The following TJP1 variants were observed in gnomAD, a reference collection of about 807,000 sequenced individuals.
TJP1 encodes the protein tight junction protein ZO-1.
TJP1 carries 43 observed loss-of-function variants against 194.2 expected under a neutral mutation model. The ratio of observed to expected loss-of-function variants is 0.22; its 90% confidence interval spans 0.17 to 0.29. The LOEUF is 0.29. TJP1 is among the 10% of genes least tolerant of loss of function. The pLI is 1.00. For synonymous variants in TJP1, 801 were observed against 779.0 expected, an observed-to-expected ratio of 1.03 and a Z score of -0.47; for missense variants, 1,971 against 2,185.7, an observed-to-expected ratio of 0.90 and a Z score of 1.96.
Position 29,716,731 on chromosome 15 carries a change from T to C in TJP1, c.4082A>G (p.Tyr1361Cys). Residue 1361 changes from tyrosine (Y) to cysteine (C), a missense_variant, in exon 23 of 28, where the codon TAC (tyrosine) becomes TGC (cysteine). This residue lies in a region of TJP1 where 1,108 missense variants were observed against 1,128.5 expected (regional missense o/e 0.98). Coordinates refer to ENST00000614355, the MANE Select transcript of TJP1 (RefSeq NM_001330239.4). Reference sequence around the variant, plus strand: ...ATTCTCAAAACTTCTTCGGTCAAAGTATGACAGCTGTTTTCGATAATATTC... The same window carrying C: ...ATTCTCAAAACTTCTTCGGTCAAAGCATGACAGCTGTTTTCGATAATATTC... The part of the protein sequence containing the change: ...DEEYYRKQLS[Y>C]FDRRSFENKP... 1 of 1,614,178 alleles carries C rather than the reference T, an allele frequency of 6.2e-7. No individual in the cohort carries two copies. The highest frequency in any genetic ancestry group is 1.6e-4 in the Middle Eastern group (1 of 6,062).
chr15:29,729,300 A>C (rs557560416), intron 15 of TJP1: 1 of 152,236 alleles, frequency 6.6e-6, no homozygotes, highest in South Asian at 2.1e-4. Context: ...ACCTTGTCTC[A>C]AACAAAAGAA....
chr15:29,775,660 C>G (rs2046971441), intron 2 of TJP1, among the ~76,000 whole-genome samples: 1 of 151,932 alleles, frequency 6.6e-6, no homozygotes. Flanking sequence ...AATTCAAAGA[C>G]AATATCCAAA....
chr15:29,866,750 T>C (rs1482091060), intron 2 of TJP1, among the ~76,000 whole-genome samples: 1 of 152,208 alleles, frequency 6.6e-6, no homozygotes, highest in African/African-American at 2.4e-5. Context: ...AACAACAAAT[T>C]AACTGAAGGG....
chr15:29,796,640 T>C (rs983218852), intron 2 of TJP1, among the ~76,000 whole-genome samples: 2 of 152,322 alleles, frequency 1.3e-5, no homozygotes, highest in Admixed American at 6.5e-5. Flanking sequence ...AGCAGTTTTA[T>C]TTTCTTTGAG....
Position 29,701,577 on chromosome 15 carries a change from G to T in TJP1, c.*18C>A. On this transcript the variant is annotated 3_prime_UTR_variant, in exon 28 of 28. Coordinates refer to ENST00000614355, the MANE Select transcript of TJP1 (RefSeq NM_001330239.4). ...TTTAATCCAGTTTCACATTATTTAA[G>T]TTCCTATATTTCAAGAGTTAAAAGT... The T allele has an allele frequency of 6.3e-7, 1 of 1,583,278 alleles. No homozygotes were observed. Among genetic ancestry groups the T allele is most frequent in the Non-Finnish European group, 8.7e-7 (1 of 1,152,424 alleles).
intron 2 of TJP1, among the ~76,000 whole-genome samples, chr15:29,905,645 T>C (rs2053782958): frequency 6.6e-6 from 1 of 152,240 alleles, no homozygotes; most frequent in Non-Finnish European, 1.5e-5. Context: ...AAACAAACTG[T>C]GGTACATTTA....
intron 1 of TJP1, among the ~76,000 whole-genome samples, chr15:29,801,608 C>G (rs952490609): frequency 2.7e-5 from 4 of 150,842 alleles, no homozygotes; most frequent in Non-Finnish European, 4.4e-5. Context: ...ACTACAGGCG[C>G]CCGCCACTAC....
chr15:29,851,915 C>T (rs1280728572), intron 2 of TJP1, among the ~76,000 whole-genome samples: 1 of 152,120 alleles, frequency 6.6e-6, no homozygotes, highest in African/African-American at 2.4e-5. Context: ...GCTACAGCAC[C>T]TGGACAATCA....
At chr15:29,821,248 T>C (rs566917724) in intron 1 of TJP1, among the ~76,000 whole-genome samples, 24 of 152,246 alleles carry the variant, frequency 1.6e-4, no homozygotes, top group South Asian at 8.3e-4. Flanking sequence ...TCAGAGCACA[T>C]AGGAAAAGTA....
chr15:29,800,503 T>C (rs544350628), intron 2 of TJP1, 143 bp downstream of exon 2: 26 of 717,310 alleles, frequency 3.6e-5, no homozygotes, highest in East Asian at 5.6e-5. Flanking sequence ...TAAAAAATTA[T>C]TGTAACTCTA....
At chr15:29,803,937 C>T (rs1176945421) in intron 1 of TJP1, among the ~76,000 whole-genome samples, 1 of 151,498 alleles carries the variant, frequency 6.6e-6, no homozygotes, top group Non-Finnish European at 1.5e-5. Context: ...GAGAATGAAA[C>T]ATCAAAAGAA....
At chr15:29,722,801 C>CAGAGCTGTCCA (rs1250645433) in intron 18 of TJP1, among the ~76,000 whole-genome samples, 3 of 152,210 alleles carry the variant, frequency 2.0e-5, no homozygotes, top group African/African-American at 7.2e-5. Flanking sequence ...GCTACAGGGG[C>CAGAGCTGTCCA]AGAGCTGTCC....
At chr15:29,862,760 G>A (rs1246019858) in intron 2 of TJP1, among the ~76,000 whole-genome samples, 1 of 149,546 alleles carries the variant, frequency 6.7e-6, no homozygotes, top group Non-Finnish European at 1.5e-5. Context: ...CCATTCTCCT[G>A]CCTCAGCCTC....
intron 2 of TJP1, among the ~76,000 whole-genome samples, chr15:29,798,826 A>G (rs2048586720): frequency 6.6e-6 from 1 of 152,228 alleles, no homozygotes; most frequent in African/African-American, 2.4e-5. Flanking sequence ...CTACTATGCA[A>G]TAAGAGAAAC....
At chr15:29,910,269 T>G (rs994929875) in intron 2 of TJP1, among the ~76,000 whole-genome samples, 1 of 152,246 alleles carries the variant, frequency 6.6e-6, no homozygotes, top group African/African-American at 2.4e-5. Flanking sequence ...CTATGTACAC[T>G]CACTTTCTCC....
intron 8 of TJP1, among the ~76,000 whole-genome samples, chr15:29,760,526 C>A (rs2045934181): frequency 6.6e-6 from 1 of 152,040 alleles, no homozygotes; most frequent in Non-Finnish European, 1.5e-5. Flanking sequence ...CAAGCATGTG[C>A]CAACACTACC....
Position 29,718,788 on chromosome 15 carries a change from C to T in TJP1, c.3354G>A (p.Gln1118=). ...CTCGTTCTGAGGACTCTTCGGGATG[C>T]TGTCTGGAGTCAAGGTCTTGAGAGT... is the stretch of plus-strand genomic sequence containing the variant. ...NQHSQDLDSR[Q]HPEESSERGY... The change falls in exon 21 of 28, where the codon CAG becomes CAA. Residue 1118 remains glutamine (Q), a synonymous_variant. Coordinates refer to ENST00000614355, the MANE Select transcript of TJP1 (RefSeq NM_001330239.4). The T allele has an allele frequency of 6.2e-7, 1 of 1,614,162 alleles. No individual in the cohort carries two copies. The highest frequency in any genetic ancestry group is 8.5e-7 in the Non-Finnish European group (1 of 1,180,038).
chr15:29,967,940 C>A (rs934360057), intron 1 of TJP1, among the ~76,000 whole-genome samples: 7 of 152,264 alleles, frequency 4.6e-5, no homozygotes, highest in African/African-American at 1.7e-4. Flanking sequence ...GAATCTTAAT[C>A]CTAAATCTCA....
chr15:29,886,901 C>G (rs1164578354), intron 2 of TJP1, among the ~76,000 whole-genome samples: 2 of 151,584 alleles, frequency 1.3e-5, no homozygotes, highest in African/African-American at 4.9e-5. Context: ...ATAAATTTTC[C>G]AAAGTTCATC....
Sources: gnomAD v4.1 joint callset for allele counts (sites outside exome capture counted in the v4.1 genomes callset) on GRCh38, gnomAD v4.1.1 for gene constraint, gnomAD v4.1.1 regional missense constraint, MANE v1.5 for transcripts, NCBI Gene and HGNC (gene_info 2026-07-23, HGNC 2026-07-21) for gene names.